Variants in CCDC102B observed in about 807,000 individuals in gnomAD.
CCDC102B encodes the protein coiled-coil domain containing 102B.
In CCDC102B, 75 loss-of-function variants were observed where a neutral mutation model predicts 57.4. The ratio of observed to expected loss-of-function variants is 1.31; its 90% confidence interval spans 1.08 to 1.58. The LOEUF (loss-of-function observed/expected upper bound fraction) is 1.58. Ranked by LOEUF, CCDC102B falls within the 40% of genes most tolerant of loss-of-function variation. The pLI, the probability that CCDC102B is intolerant of heterozygous loss-of-function variation, is 0.00. For synonymous variants in CCDC102B, 206 were observed against 201.9 expected, an observed-to-expected ratio of 1.02 and a Z score of -0.17; for missense variants, 636 against 582.6, an observed-to-expected ratio of 1.09 and a Z score of -0.94.
At chr18:68,809,745 A>G (rs1264763347) in intron 1 of CCDC102B, among the ~76,000 whole-genome samples, 1 of 152,186 alleles carries the variant, frequency 6.6e-6, no homozygotes, top group Non-Finnish European at 1.5e-5. Flanking sequence ...GAAATTTGAT[A>G]AATATTTGTC....
chr18:68,956,619 A>AATATAT (rs1555733311), intron 6 of CCDC102B, among the ~76,000 whole-genome samples: 1 of 58,668 alleles, frequency 1.7e-5, no homozygotes, highest in African/African-American at 1.7e-4. Context: ...TAAAATATAT[A>AATATAT]ATATATATAT....
At position 69,044,344 on chromosome 18, in the gene CCDC102B, A is replaced by G. The variant is rs182683071; in HGVS notation, c.1435-9686A>G. Among the ~76,000 whole-genome samples the G allele has an allele frequency of 3.3e-4, 50 of 152,296 alleles. 1 individual carries two copies. The highest frequency in any genetic ancestry group is 1.2e-3 in the African/African-American group (48 of 41,574). On this transcript the variant is annotated intron_variant, in intron 7 of 7. Transcript: ENST00000360242. Reference sequence around the variant, plus strand: ...AACTTTGGTTCTTAACCGCAGGACCATTGTGCAGATTAAATGAAAGCATTG... The same window carrying G: ...AACTTTGGTTCTTAACCGCAGGACCGTTGTGCAGATTAAATGAAAGCATTG...
chr18:69,018,346 C>G (rs928329179), intron 7 of CCDC102B, among the ~76,000 whole-genome samples: 2 of 152,094 alleles, frequency 1.3e-5, no homozygotes, highest in African/African-American at 2.4e-5. Flanking sequence ...TTTGGGGAAC[C>G]CTCATACTGT....
intron 1 of CCDC102B, among the ~76,000 whole-genome samples, chr18:68,808,075 T>A (rs1469001288): frequency 1.1e-4 from 16 of 152,196 alleles, no homozygotes; most frequent in African/African-American, 3.6e-4. Context: ...AAGTTTCATA[T>A]TATAGATGTA....
intron 1 of CCDC102B, among the ~76,000 whole-genome samples, chr18:68,799,991 A>G (rs1385121763): frequency 1.3e-5 from 2 of 152,144 alleles, no homozygotes; most frequent in African/African-American, 4.8e-5. Context: ...TCTTTTCATC[A>G]TCTTTACCAT....
At chr18:68,788,137 T>C (rs2144651868) in intron 2 of CCDC102B, among the ~76,000 whole-genome samples, 1 of 152,224 alleles carries the variant, frequency 6.6e-6, no homozygotes, top group African/African-American at 2.4e-5. Context: ...AGTTGAGCGG[T>C]TTTGAGTGAG....
chr18:69,018,875 T>C (rs1568128973), intron 7 of CCDC102B, among the ~76,000 whole-genome samples: 1 of 152,086 alleles, frequency 6.6e-6, no homozygotes, highest in Non-Finnish European at 1.5e-5. Context: ...TAGGTTTTCT[T>C]CTAGGAGTTT....
intron 2 of CCDC102B, among the ~76,000 whole-genome samples, chr18:68,739,357 A>G (rs571027484): frequency 6.6e-6 from 1 of 152,298 alleles, no homozygotes; most frequent in Admixed American, 6.5e-5. Context: ...TGTTTCATGA[A>G]CAAAGCTTGA....
intron 7 of CCDC102B, among the ~76,000 whole-genome samples, chr18:69,049,816 A>ATT (rs60818982): frequency 0.033 from 4,909 of 147,442 alleles, 282 homozygotes; most frequent in African/African-American, 0.11. Context: ...TTTTCATTGC[A>ATT]TTTTTTTTTT....
upstream of CCDC102B, among the ~76,000 whole-genome samples, chr18:68,797,330 T>G (rs148222938): frequency 1.2e-3 from 188 of 152,274 alleles, no homozygotes; most frequent in African/African-American, 4.4e-3. Flanking sequence ...AGCAAGGCTA[T>G]CCTGTTACCT....
chr18:68,820,327 G>T (rs1352625898), intron 1 of CCDC102B, among the ~76,000 whole-genome samples: 1 of 151,892 alleles, frequency 6.6e-6, no homozygotes, highest in African/African-American at 2.4e-5. Context: ...ACTTTATTTT[G>T]TTAACATGGT....
At position 68,863,408 on chromosome 18, in the gene CCDC102B, TC is replaced by T. The variant is rs772070997; in HGVS notation, c.937-11258del. On this transcript the variant is annotated intron_variant, in intron 4 of 7. Transcript: ENST00000360242. Reference sequence around the variant, plus strand: ...TTTCATAGAAATGTGTCAGTGTGTTTCCCTATTAGGAAGCACATGATATATG... The same window carrying T: ...TTTCATAGAAATGTGTCAGTGTGTTTCCTATTAGGAAGCACATGATATATG... Among the ~76,000 whole-genome samples the T allele has an allele frequency of 7.2e-5, 11 of 152,062 alleles. No homozygotes were observed. The East Asian group carries it at 1.9e-3, about 27-fold the overall frequency.
chr18:68,909,160 AAAC>A (rs1466991464), intron 6 of CCDC102B, among the ~76,000 whole-genome samples: 1 of 114,860 alleles, frequency 8.7e-6, no homozygotes, highest in Admixed American at 9.9e-5. Context: ...AAAAAAAGGA[AAAC>A]AAGAAGGAAG....
At chr18:68,955,945 A>G (rs2049833181) in intron 6 of CCDC102B, among the ~76,000 whole-genome samples, 2 of 152,124 alleles carry the variant, frequency 1.3e-5, no homozygotes, top group South Asian at 4.2e-4. Context: ...GTTATTTTAA[A>G]ATGTGCAATA....
At chr18:69,029,491 C>T (rs886529294) in intron 7 of CCDC102B, among the ~76,000 whole-genome samples, 1 of 57,994 alleles carries the variant, frequency 1.7e-5, no homozygotes, top group East Asian at 2.9e-4. Flanking sequence ...ATGTGTCAGA[C>T]ATGTGAGAAT....
intron 6 of CCDC102B, among the ~76,000 whole-genome samples, chr18:68,994,376 C>A (rs980785129): frequency 3.3e-5 from 5 of 151,938 alleles, no homozygotes; most frequent in Admixed American, 3.3e-4. Flanking sequence ...GTTCCCTTTT[C>A]ACTAGTTTTA....
chr18:68,856,860 A>G (rs2038409775), intron 4 of CCDC102B, among the ~76,000 whole-genome samples: 1 of 150,480 alleles, frequency 6.6e-6, no homozygotes, highest in Non-Finnish European at 1.5e-5. Flanking sequence ...AGAACTTTAT[A>G]TGTGTTTTTT....
chr18:68,950,856 TA>T (rs1206442815), intron 6 of CCDC102B, among the ~76,000 whole-genome samples: 1 of 152,176 alleles, frequency 6.6e-6, no homozygotes, highest in Non-Finnish European at 1.5e-5. Context: ...TTTAAAGTGG[TA>T]TTTTTTTTTG....
chr18:68,789,993 T>A (rs1303878128), intron 2 of CCDC102B, among the ~76,000 whole-genome samples: 7 of 150,514 alleles, frequency 4.7e-5, no homozygotes, highest in African/African-American at 1.5e-4. Context: ...GATGGTGATG[T>A]ACAGATGGGT....
Sources: gnomAD v4.1 joint callset for allele counts (sites outside exome capture counted in the v4.1 genomes callset) on GRCh38, gnomAD v4.1.1 for gene constraint, MANE v1.5 for transcripts, NCBI Gene and HGNC (gene_info 2026-07-23, HGNC 2026-07-21) for gene names.